TCF12: variants seen among roughly 807,000 people sequenced by gnomAD.
TCF12 encodes transcription factor 12.
A neutral mutation model predicts 86.0 loss-of-function variants in TCF12; 45 were observed. The ratio of observed to expected loss-of-function variants is 0.52; its 90% confidence interval spans 0.41 to 0.67. The LOEUF (loss-of-function observed/expected upper bound fraction) is 0.67, where lower values mean the gene tolerates loss of function less well. TCF12 is among the 30% of genes least tolerant of loss of function. The pLI, the probability that TCF12 is intolerant of heterozygous loss-of-function variation, is 0.00. For missense variants in TCF12, 881 were observed against 859.9 expected, an observed-to-expected ratio of 1.02 and a Z score of -0.31; for synonymous variants, 330 against 299.6, an observed-to-expected ratio of 1.10 and a Z score of -1.05.
At position 57,273,262 on chromosome 15, in the gene TCF12, G is replaced by A; in HGVS notation, c.1978G>A (p.Glu660Lys). The change falls in exon 19 of 21, where the codon GAG becomes AAG. Residue 660 changes from glutamate to lysine, a missense_variant and splice_region_variant. Glu to Lys is a moderately conservative substitution (Grantham distance 56). This residue lies in a region of TCF12 where 69 missense variants were observed against 64.2 expected (regional missense o/e 1.07). Coordinates refer to ENST00000333725, the MANE Select transcript of TCF12 (RefSeq NM_207037.2). ...CCTTAGTCTAGAACAGCAAGTCAGA[G>A]GTAAGTAGGTTCAGCCGAGATGTAT... ...VILSLEQQVR[E>K]RNLNPKAACL... 2 of 1,613,958 alleles carry A rather than the reference G, an allele frequency of 1.2e-6. No individual in the cohort carries two copies. The highest frequency in any genetic ancestry group is 2.2e-5 in the East Asian group (1 of 44,866).
intron 12 of TCF12, among the ~76,000 whole-genome samples, chr15:57,236,123 A>G (rs577235053): frequency 9.2e-5 from 14 of 152,278 alleles, no homozygotes; most frequent in African/African-American, 1.9e-4. Flanking sequence ...CATTTCTGTC[A>G]TAGCTGACGG....
At chr15:56,958,183 T>C (rs1415837682) in intron 3 of TCF12, among the ~76,000 whole-genome samples, 1 of 152,212 alleles carries the variant, frequency 6.6e-6, no homozygotes, top group East Asian at 1.9e-4. Flanking sequence ...CTGCCGACTC[T>C]ATGAGATCCG....
chr15:56,918,141 C>T (rs2059589499), upstream of TCF12: 1 of 451,746 alleles, frequency 2.2e-6, no homozygotes, highest in African/African-American at 2.0e-5. Flanking sequence ...GGTGTCTGCG[C>T]CGACTGCAGC....
intron 12 of TCF12, 136 bp downstream of exon 12, chr15:57,234,243 C>T (rs372260639): frequency 3.1e-5 from 22 of 711,364 alleles, no homozygotes; most frequent in African/African-American, 1.9e-4. Flanking sequence ...GAGTTATTCT[C>T]GGTTTGTATT....
At chr15:57,240,817 C>T (rs922634299) in intron 12 of TCF12, among the ~76,000 whole-genome samples, 2 of 133,178 alleles carry the variant, frequency 1.5e-5, no homozygotes, top group African/African-American at 5.5e-5. Flanking sequence ...GAAGTTGAGG[C>T]TGCAGTGAGC....
intron 3 of TCF12, among the ~76,000 whole-genome samples, chr15:56,932,466 G>A (rs1244545963): frequency 6.6e-6 from 1 of 152,092 alleles, no homozygotes; most frequent in Admixed American, 6.6e-5. Flanking sequence ...ATAATAAGAA[G>A]TCTTATCTGA....
Position 57,007,961 on chromosome 15 carries a change from G to C in TCF12, c.149-55789G>C, listed in dbSNP as rs28533230. Among the ~76,000 whole-genome samples, 127 of 126,030 alleles carry C rather than the reference G, an allele frequency of 1.0e-3. 1 individual carries two copies. The highest frequency in any genetic ancestry group is 1.9e-3 in the Non-Finnish European group (116 of 61,352). 82.7% of individuals were successfully genotyped at this position (126,030 alleles called of 152,430 possible). Reference sequence around the variant, plus strand: ...CTTTCTTTTTTCTTTCTTTCTCTCTGTCTCTCTCTCTCTCTCGCTCTCTCT... The same window carrying C: ...CTTTCTTTTTTCTTTCTTTCTCTCTCTCTCTCTCTCTCTCTCGCTCTCTCT... On this transcript the variant is annotated intron_variant, in intron 3 of 20. Coordinates refer to ENST00000333725, the MANE Select transcript of TCF12 (RefSeq NM_207037.2).
chr15:57,140,977 T>C (rs1309136403), intron 5 of TCF12, among the ~76,000 whole-genome samples: 6 of 152,190 alleles, frequency 3.9e-5, no homozygotes, highest in Admixed American at 1.3e-4. Context: ...AAGGTACTTA[T>C]CTAATCTTTG....
intron 6 of TCF12, 118 bp from the exon 7 acceptor site, chr15:57,192,040 G>T: frequency 9.0e-7 from 1 of 1,111,352 alleles, no homozygotes; most frequent in East Asian, 2.4e-5. Flanking sequence ...CGTACTTAAT[G>T]GGTGCGTTCT....
rs558092609 is a variant in TCF12, at chr15:57,172,319, G to T, written c.390+5853G>T. Among the ~76,000 whole-genome samples, 11 of 152,276 alleles carry T rather than the reference G, an allele frequency of 7.2e-5. No homozygotes were observed. In the South Asian group the frequency reaches 2.1e-3, roughly 29 times the overall value. ...TGGAAAATTGAATACTTCTGTCTTAGCAGTTTGCAGAATAACTAGACAAAA... is the reference window on the plus strand; with the variant it reads ...TGGAAAATTGAATACTTCTGTCTTATCAGTTTGCAGAATAACTAGACAAAA... On this transcript the variant is annotated intron_variant, in intron 6 of 20. Coordinates refer to ENST00000333725, the MANE Select transcript of TCF12 (RefSeq NM_207037.2).
At chr15:57,031,689 A>G (rs1160658038) in intron 3 of TCF12, among the ~76,000 whole-genome samples, 6 of 152,184 alleles carry the variant, frequency 3.9e-5, no homozygotes, top group East Asian at 3.8e-4. Flanking sequence ...TCCATGATCC[A>G]TTTCAGTACA....
At chr15:57,075,758 T>TC (rs2069838686) in intron 4 of TCF12, among the ~76,000 whole-genome samples, 1 of 91,224 alleles carries the variant, frequency 1.1e-5, no homozygotes, top group African/African-American at 4.1e-5. Context: ...ATGAGGTTTC[T>TC]TTTCTTTCTT....
chr15:57,016,208 T>C (rs1210492056), intron 3 of TCF12, among the ~76,000 whole-genome samples: 1 of 152,194 alleles, frequency 6.6e-6, no homozygotes, highest in African/African-American at 2.4e-5. Context: ...CTAAAAGGTA[T>C]TCAGGTCAGC....
intron 3 of TCF12, among the ~76,000 whole-genome samples, chr15:56,966,495 A>G (rs1448341720): frequency 1.3e-5 from 2 of 152,208 alleles, no homozygotes; most frequent in African/African-American, 2.4e-5. Flanking sequence ...ACAAGAGACC[A>G]TGGGAATGGT....
Position 57,092,615 on chromosome 15 carries a change from G to T in TCF12, c.325+724G>T, listed in dbSNP as rs8040234. 1.6e-3 allele frequency among the ~76,000 whole-genome samples: 231 copies of T among 148,412 alleles called. 1 individual carries two copies. The highest frequency in any genetic ancestry group is 5.6e-3 in the African/African-American group (225 of 40,518). ...TTCAGTTTGAATACCATTTTTTTTT[G>T]TGTAAATATTTTACCCTTTTGCAAA... On this transcript the variant is annotated intron_variant, in intron 5 of 20. Transcript: ENST00000333725.
intron 2 of TCF12, among the ~76,000 whole-genome samples, chr15:56,920,375 G>A (rs1380994719): frequency 3.9e-5 from 6 of 151,970 alleles, no homozygotes; most frequent in Non-Finnish European, 7.4e-5. Flanking sequence ...TTCCTCTCCA[G>A]TATCAGATGT....
intron 4 of TCF12, among the ~76,000 whole-genome samples, chr15:57,085,702 C>G (rs540718518): frequency 6.6e-6 from 1 of 152,292 alleles, no homozygotes; most frequent in South Asian, 2.1e-4. Flanking sequence ...GAACACTTTT[C>G]TCTCTTTGAA....
At chr15:57,126,759 A>C (rs2051681755) in intron 5 of TCF12, among the ~76,000 whole-genome samples, 1 of 152,158 alleles carries the variant, frequency 6.6e-6, no homozygotes, top group South Asian at 2.1e-4. Flanking sequence ...CACAGTGAGG[A>C]TCTCTATGCT....
chr15:57,245,406 G>C (rs2059811898), intron 13 of TCF12, among the ~76,000 whole-genome samples: 1 of 152,218 alleles, frequency 6.6e-6, no homozygotes, highest in South Asian at 2.1e-4. Flanking sequence ...GAAGAATGAT[G>C]TAACTCTAAC....
Sources: allele counts gnomAD v4.1 joint callset (sites outside exome capture counted in the v4.1 genomes callset), GRCh38; gene constraint gnomAD v4.1.1; regional missense constraint gnomAD v4.1.1; transcripts MANE v1.5; gene names NCBI Gene and HGNC (gene_info 2026-07-23, HGNC 2026-07-21).